PCSK1: variants seen among roughly 807,000 people sequenced by gnomAD.
PCSK1 encodes the protein neuroendocrine convertase 1.
PCSK1 carries 56 observed loss-of-function variants against 90.6 expected under a neutral mutation model. The observed-to-expected ratio is 0.62, with a 90% CI of 0.50 to 0.77. The LOEUF is 0.77. PCSK1 is among the 30% of genes least tolerant of loss of function. PCSK1 has a pLI of 0.00. For missense variants in PCSK1, 801 were observed against 932.6 expected (o/e 0.86, Z 1.84); for synonymous variants, 348 against 342.4 (o/e 1.02, Z -0.18).
At chr5:96,403,065 A>G (rs1760438295) in intron 9 of PCSK1, among the ~76,000 whole-genome samples, 1 of 152,192 alleles carries the variant, frequency 6.6e-6, no homozygotes, top group African/African-American at 2.4e-5. Flanking sequence ...GGCAGGAAGG[A>G]GGAAGCGTAC....
chr5:96,418,293 A>G (rs572505080), intron 5 of PCSK1, among the ~76,000 whole-genome samples: 54 of 152,142 alleles, frequency 3.5e-4, no homozygotes, highest in Non-Finnish European at 7.2e-4. Context: ...ACTTTCTATT[A>G]TCTTAGAACA....
chr5:96,432,803 G>T lies in PCSK1; in HGVS notation c.180+60C>A, dbSNP rs1032710952. Reference sequence around the variant, plus strand: ...CTGGGGCTCCCACTTGGAAGACCGCGCTCCAGTCCCGCCAGTCCCCTGGGG... The same window carrying T: ...CTGGGGCTCCCACTTGGAAGACCGCTCTCCAGTCCCGCCAGTCCCCTGGGG... On this transcript the variant is annotated intron_variant, in intron 1 of 13. Coordinates refer to ENST00000311106, the MANE Select transcript of PCSK1 (RefSeq NM_000439.5). 2.4e-5 allele frequency: 34 copies of T among 1,427,772 alleles called. No homozygotes were observed. The Admixed American group carries it at 4.6e-4, about 19-fold the overall frequency. 88.4% of individuals were successfully genotyped at this position (1,427,772 alleles called of 1,614,324 possible).
At chr5:96,395,649 G>A (rs1456746018) in intron 12 of PCSK1, among the ~76,000 whole-genome samples, 1 of 152,148 alleles carries the variant, frequency 6.6e-6, no homozygotes, top group East Asian at 1.9e-4. Flanking sequence ...CAGGGAGTAG[G>A]GGGCAAGGGG....
intron 5 of PCSK1, among the ~76,000 whole-genome samples, chr5:96,419,871 T>C (rs1190448061): frequency 6.6e-6 from 1 of 152,082 alleles, no homozygotes; most frequent in African/African-American, 2.4e-5. Flanking sequence ...GAGTGTTCCA[T>C]CTCCTGACTG....
intron 11 of PCSK1, 63 bp downstream of exon 11, chr5:96,398,816 A>G: frequency 8.0e-7 from 1 of 1,243,378 alleles, no homozygotes. Flanking sequence ...AAAAGCAATC[A>G]GTTATTTGAA....
intron 2 of PCSK1, among the ~76,000 whole-genome samples, chr5:96,426,734 C>A (rs1761319955): frequency 6.6e-6 from 1 of 152,280 alleles, no homozygotes; most frequent in South Asian, 2.1e-4. Context: ...CACATCTTTT[C>A]TGCTGTATGC....
chr5:96,410,937 C>T lies in PCSK1; in HGVS notation c.932G>A (p.Gly311Glu). 6.2e-7 allele frequency: 1 copy of T among 1,614,006 alleles called. No homozygotes were observed. The highest frequency in any genetic ancestry group is 8.5e-7 in the Non-Finnish European group (1 of 1,180,010). Residue 311 changes from glycine (G) to glutamate (E), a missense_variant, in exon 8 of 14, where the codon GGG becomes GAG. Coordinates refer to ENST00000311106, the MANE Select transcript of PCSK1 (RefSeq NM_000439.5). ...SIFVWASGNG[G>E]RQGDNCDCDG... ...ACAGTCACAATTATCTCCCTGACGC[C>T]CCCCGTTTCCCGAAGCCCAGACGAA...
chr5:96,427,238 G>C (rs954077825), intron 2 of PCSK1, among the ~76,000 whole-genome samples: 3 of 152,142 alleles, frequency 2.0e-5, no homozygotes, highest in African/African-American at 7.2e-5. Context: ...GATATAAGAG[G>C]AGGCACTCTG....
chr5:96,410,992 G>T lies in PCSK1; in HGVS notation c.883-6C>A, dbSNP rs1760736227. ...GACCCCTTCCCCTGTCTCCCCTAAA[G>T]GAAAAGCCAGAATGCATATTATCTG... On this transcript the variant is annotated splice_region_variant and splice_polypyrimidine_tract_variant and intron_variant, in intron 7 of 13. Transcript: ENST00000311106. The T allele has an allele frequency of 1.2e-6, 2 of 1,604,564 alleles. No individual in the cohort carries two copies. The highest frequency in any genetic ancestry group is 1.7e-6 in the Non-Finnish European group (2 of 1,172,326).
At chr5:96,412,777 G>GTTTTTTTTTTTTTTTTT (rs1760813176) in intron 6 of PCSK1, 2 of 185,854 alleles carry the variant, frequency 1.1e-5, no homozygotes, top group African/African-American at 5.3e-4. Context: ...TTTTTTTTTG[G>GTTTTTTTTTTTTTTTTT]TCCCACTCAA....
chr5:96,424,388 A>G (rs535907826), intron 3 of PCSK1, among the ~76,000 whole-genome samples: 10 of 152,318 alleles, frequency 6.6e-5, no homozygotes, highest in Admixed American at 2.0e-4. Context: ...TGTCAGTTGC[A>G]GGAACAATTT....
intron 9 of PCSK1, among the ~76,000 whole-genome samples, chr5:96,406,795 G>A (rs1030994717): frequency 1.3e-5 from 2 of 152,142 alleles, no homozygotes; most frequent in African/African-American, 2.4e-5. Flanking sequence ...CTCCTTATTA[G>A]GAAGGATAAT....
intron 2 of PCSK1, among the ~76,000 whole-genome samples, chr5:96,426,773 A>G (rs3811951): frequency 0.28 from 42,731 of 152,080 alleles, 6,106 homozygotes; most frequent in African/African-American, 0.3. Flanking sequence ...GTGGTGGAAT[A>G]TTGTTAATGT....
chr5:96,400,318 TGTC>T, intron 9 of PCSK1, 132 bp from the exon 10 acceptor site: 5 of 699,594 alleles, frequency 7.1e-6, no homozygotes, highest in Middle Eastern at 7.2e-4. Flanking sequence ...GTTATTCTAG[TGTC>T]TATTACTGTT....
At chr5:96,419,191 AT>A (rs1373237882) in intron 5 of PCSK1, among the ~76,000 whole-genome samples, 3 of 151,726 alleles carry the variant, frequency 2.0e-5, no homozygotes, top group Admixed American at 2.0e-4. Flanking sequence ...TTGTGGAATA[AT>A]TTTTAAACAA....
At chr5:96,432,109 A>T in intron 1 of PCSK1, 1 of 1,535,422 alleles carries the variant, frequency 6.5e-7, no homozygotes, top group African/African-American at 1.4e-5. Flanking sequence ...AAAGAAATAG[A>T]TCCCTTCCCC....
At chr5:96,412,698 C>T (rs1421617281) in intron 6 of PCSK1, among the ~76,000 whole-genome samples, 4 of 148,594 alleles carry the variant, frequency 2.7e-5, no homozygotes, top group East Asian at 3.9e-4. Context: ...GCTTTTTTGT[C>T]GCACTTTAGA....
At chr5:96,408,372 T>C (rs1202951608) in intron 8 of PCSK1, 49 bp from the exon 9 acceptor site, 13 of 1,344,862 alleles carry the variant, frequency 9.7e-6, no homozygotes, top group Non-Finnish European at 1.4e-5. Context: ...ACGTGAGGAG[T>C]GTGGGCCTGT....
Position 96,392,876 on chromosome 5 carries a change from A to G in PCSK1, c.*125T>C, listed in dbSNP as rs1759993489. 12 of 979,176 alleles carry G rather than the reference A, an allele frequency of 1.2e-5. No homozygotes were observed. The highest frequency in any genetic ancestry group is 1.8e-5 in the Non-Finnish European group (11 of 625,934). The allele number at this position is 979,176 out of a possible 1,614,324, so 60.7% of individuals were successfully genotyped here. ...ACATGTACAGTTTAGGGAGAAAAAG[A>G]AAAGGTGCCACAAAGGATATTATAA... is the stretch of plus-strand genomic sequence containing the variant. On this transcript the variant is annotated 3_prime_UTR_variant, in exon 14 of 14. Coordinates refer to ENST00000311106, the MANE Select transcript of PCSK1 (RefSeq NM_000439.5).
Sources: gnomAD v4.1 joint callset for allele counts (sites outside exome capture counted in the v4.1 genomes callset) on GRCh38, gnomAD v4.1.1 for gene constraint, MANE v1.5 for transcripts, NCBI Gene and HGNC (gene_info 2026-07-23, HGNC 2026-07-21) for gene names.